The following COL16A1 variants were observed in gnomAD, a reference collection of about 807,000 sequenced individuals.
COL16A1 encodes collagen alpha-1(XVI) chain.
In COL16A1, 189 loss-of-function variants were observed where a neutral mutation model predicts 266.3. The ratio of observed to expected loss-of-function variants is 0.71; its 90% CI spans 0.63 to 0.80. The LOEUF is 0.80. Ranked by LOEUF, COL16A1 falls within the 30% of genes least tolerant of loss-of-function variation. The pLI is 0.00. For synonymous variants in COL16A1, 740 were observed against 782.3 expected (o/e 0.95, Z 0.90); for missense variants, 1,928 against 2,122.4 (o/e 0.91, Z 1.80).
Position 31,697,320 on chromosome 1 carries a change from C to T in COL16A1, c.658-20G>A. ...GTCAAACTGCAGGAGACACACACAT[C>T]AATTTCACTTCATTTTATCAAATAG... On this transcript the variant is annotated intron_variant, in intron 6 of 70. Coordinates refer to ENST00000373672, the MANE Select transcript of COL16A1 (RefSeq NM_001856.4). This position sits in a 1 kb window ranked among gnomAD's most constrained non-coding sequence, Gnocchi z 4.2. The T allele has an allele frequency of 6.3e-7, 1 of 1,590,180 alleles. No individual in the cohort carries two copies.
chr1:31,665,070 C>G, intron 56 of COL16A1, 102 bp downstream of exon 56: 1 of 1,520,952 alleles, frequency 6.6e-7, no homozygotes, highest in Admixed American at 2.3e-5. Flanking sequence ...GCAACTGGGT[C>G]AGTCTTGGAA....
At chr1:31,693,414 A>C (rs1038592453) in intron 12 of COL16A1, among the ~76,000 whole-genome samples, 1 of 151,920 alleles carries the variant, frequency 6.6e-6, no homozygotes, top group African/African-American at 2.4e-5. Flanking sequence ...GGGGTATCCC[A>C]TCCCCCACAC....
intron 55 of COL16A1, 47 bp from the exon 56 acceptor site, chr1:31,665,281 G>A (rs757299206): frequency 1.3e-6 from 2 of 1,574,704 alleles, no homozygotes; most frequent in Non-Finnish European, 1.7e-6. Flanking sequence ...GGCTGGAGGG[G>A]GAGCTCCCCT....
Position 31,656,593 on chromosome 1 carries a change from C to G in COL16A1, c.4057-149G>C, listed in dbSNP as rs529696505. 6.2e-6 allele frequency: 8 copies of G among 1,284,610 alleles called. No homozygotes were observed. The East Asian group carries it at 1.5e-4, about 25-fold the overall frequency. The allele number at this position is 1,284,610 out of a possible 1,614,324, so 79.6% of individuals were successfully genotyped here. A position where few individuals can be genotyped will look rare whatever the true frequency, so the allele number is the denominator to read the frequency against. On this transcript the variant is annotated intron_variant, in intron 65 of 70. Coordinates refer to ENST00000373672, the MANE Select transcript of COL16A1 (RefSeq NM_001856.4). This position sits in a 1 kb window ranked among gnomAD's most constrained non-coding sequence, Gnocchi z 4.2. ...TGTGTGAGAAAGGAGCGCAGCCTCC[C>G]TGCCCAGCTGGAAGGGAAAATAATG... is the stretch of plus-strand genomic sequence containing the variant.
In COL16A1 at chr1:31,675,107, G is replaced by A. The variant is rs1184751031; in HGVS notation, c.2827-68C>T. On this transcript the variant is annotated intron_variant, in intron 43 of 70. Coordinates refer to ENST00000373672, the MANE Select transcript of COL16A1 (RefSeq NM_001856.4). The stretch of plus-strand genomic sequence containing the variant: ...GAACATGGAGACTTATGGGATCAGG[G>A]AGAGCCTTGGGACACGTCATGCACC... 5.0e-6 allele frequency: 8 copies of A among 1,611,488 alleles called. No individual in the cohort carries two copies. In the South Asian group the frequency reaches 6.6e-5, roughly 13 times the overall value.
At position 31,672,625 on chromosome 1, in the gene COL16A1, G is replaced by T. The variant is rs1397903478; in HGVS notation, c.2989C>A (p.Leu997Met). 6.2e-7 allele frequency: 1 copy of T among 1,604,742 alleles called. No homozygotes were observed. The highest frequency in any genetic ancestry group is 8.5e-7 in the Non-Finnish European group (1 of 1,174,616). ...GCCTCCTCGGCTCTTGGGCGCTCCA[G>T]TGACAAAAAGCACTGCAAGGGACAA... The part of the protein sequence containing the change: ...LDNCAQCFLS[L>M]ERPRAEEARG... Residue 997 changes from leucine (L) to methionine (M), a missense_variant, in exon 46 of 71, where the codon CTG (leucine) becomes ATG (methionine). Physicochemically the swap from Leu to Met is conservative, Grantham distance 15. Around this residue, in one of 2 missense-constraint regions of COL16A1, gnomAD observed 1,552 missense variants for 1,637.2 expected, o/e 0.95. Coordinates refer to ENST00000373672, the MANE Select transcript of COL16A1 (RefSeq NM_001856.4).
At chr1:31,677,507 A>G (rs1643288328) in intron 42 of COL16A1, among the ~76,000 whole-genome samples, 1 of 152,246 alleles carries the variant, frequency 6.6e-6, no homozygotes, top group Non-Finnish European at 1.5e-5. Context: ...TCAGAACTAA[A>G]TGTTCTACCT....
Position 31,683,343 on chromosome 1 carries a change from A to G in COL16A1, c.2406T>C (p.Pro802=), listed in dbSNP as rs766117713. 6.2e-6 allele frequency: 10 copies of G among 1,614,044 alleles called. No individual in the cohort carries two copies. In the Admixed American group the frequency reaches 1.7e-4, roughly 27 times the overall value. ...ACTCAGGCAGACGTACCTGAATGCC[A>G]GGCAAACCCGGGGCTCCAGGCTCCC... is the stretch of plus-strand genomic sequence containing the variant. The part of the protein sequence containing the change: ...PQGEPGAPGL[P]GIQGLPGPRG... The change falls in exon 35 of 71, where the codon CCT becomes CCC. Residue 802 remains proline, a synonymous_variant. Coordinates refer to ENST00000373672, the MANE Select transcript of COL16A1 (RefSeq NM_001856.4).
chr1:31,672,598 G>C lies in COL16A1; in HGVS notation c.3016C>G (p.Arg1006Gly), dbSNP rs35986497. 6.2e-7 allele frequency: 1 copy of C among 1,606,714 alleles called. No homozygotes were observed. The highest frequency in any genetic ancestry group is 8.5e-7 in the Non-Finnish European group (1 of 1,175,338). Residue 1006 changes from arginine to glycine, a missense_variant and splice_region_variant, in exon 46 of 71, where the codon CGG (arginine) becomes GGG (glycine). By Grantham distance (125) the Arg-to-Gly change is moderately radical. This residue lies in a region of COL16A1 where 1,552 missense variants were observed against 1,637.2 expected (regional missense o/e 0.95). Transcript: ENST00000373672. ...GGGAGATAAGGCGAGGCACTCACCC[G>C]GGCCTCCTCGGCTCTTGGGCGCTCC... ...SLERPRAEEA[R>G]GDNSEGDPGC...
Position 31,689,774 on chromosome 1 carries a change from G to C in COL16A1, c.1587C>G (p.Pro529=), listed in dbSNP as rs760724181. ...GTACAGGATCACCAGGCTCCCCTTT[G>C]GGCCCTGGCTTTCCAGGAAGTCCAA... ...NFVGLPGKPG[P]KGEPGDPVPA... is the part of the protein sequence containing the mutation. The change falls in exon 23 of 71, where the codon CCC becomes CCG. Residue 529 remains proline (P), a synonymous_variant. Transcript: ENST00000373672. 1 of 1,613,976 alleles carries C rather than the reference G, an allele frequency of 6.2e-7. No individual in the cohort carries two copies. Among genetic ancestry groups the C allele is most frequent in the East Asian group, 2.2e-5 (1 of 44,902 alleles).
intron 34 of COL16A1, 128 bp from the exon 35 acceptor site, chr1:31,683,497 G>A (rs185271946): frequency 8.4e-5 from 134 of 1,588,186 alleles, no homozygotes; most frequent in Middle Eastern, 1.8e-4. Flanking sequence ...GCTCCCCAAG[G>A]AGACCCTGAG....
intron 37 of COL16A1, among the ~76,000 whole-genome samples, chr1:31,681,902 C>T (rs1643670328): frequency 6.6e-6 from 1 of 152,234 alleles, no homozygotes; most frequent in Admixed American, 6.5e-5. Flanking sequence ...GCTGTGTGGG[C>T]TTGGGCGAGT....
At chr1:31,672,286 G>T in intron 47 of COL16A1, 130 bp downstream of exon 47, 2 of 1,001,812 alleles carry the variant, frequency 2.0e-6, no homozygotes, top group Non-Finnish European at 3.0e-6. Context: ...GAAGCCACGT[G>T]CCAGGAGAGC....
Position 31,672,797 on chromosome 1 carries a change from C to G in COL16A1, c.2903G>C (p.Gly968Ala). ...DCVQGQRAHPGYLVEKGEKGD... is the reference protein window; with the variant it reads ...DCVQGQRAHPAYLVEKGEKGD... The stretch of plus-strand genomic sequence containing the variant: ...CTTCTCTCCCTTCTCCACGAGGTAC[C>G]CTGGGTGGGCCCTCTGCCCCTGGAC... The change falls in exon 45 of 71, where the codon GGG (glycine) becomes GCG (alanine). Residue 968 changes from glycine (G) to alanine (A), a missense_variant. By Grantham distance (60) the Gly-to-Ala change is moderately conservative. Around this residue, in one of 2 missense-constraint regions of COL16A1, gnomAD observed 1,552 missense variants for 1,637.2 expected, o/e 0.95. Coordinates refer to ENST00000373672, the MANE Select transcript of COL16A1 (RefSeq NM_001856.4). The G allele has an allele frequency of 6.2e-7, 1 of 1,614,136 alleles. No individual in the cohort carries two copies. Among genetic ancestry groups the G allele is most frequent in the Non-Finnish European group, 8.5e-7 (1 of 1,179,968 alleles).
chr1:31,680,210 T>C, intron 39 of COL16A1, 109 bp from the exon 40 acceptor site: 1 of 1,483,368 alleles, frequency 6.7e-7, no homozygotes, highest in Non-Finnish European at 9.1e-7. Context: ...AGGGTTTCAA[T>C]CCAGGATCTG....
chr1:31,698,952 A>G lies in COL16A1; in HGVS notation c.267-346T>C, dbSNP rs1011030476. Among the ~76,000 whole-genome samples the G allele has an allele frequency of 6.6e-6, 1 of 152,098 alleles. No homozygotes were observed. The highest frequency in any genetic ancestry group is 1.9e-4 in the East Asian group (1 of 5,180). On this transcript the variant is annotated intron_variant, in intron 4 of 70. Transcript: ENST00000373672. This position sits in a 1 kb window ranked among gnomAD's most constrained non-coding sequence, Gnocchi z 4.1. ...CTACTAAAAATACAAAAAATTCGCC[A>G]GGTGTAGTGGCAGGCGCCTGTAATC... is the stretch of plus-strand genomic sequence containing the variant.
rs1570519899 is a variant in COL16A1, at chr1:31,685,208, C to T, written c.2017-352G>A. On this transcript the variant is annotated intron_variant, in intron 29 of 70. Coordinates refer to ENST00000373672, the MANE Select transcript of COL16A1 (RefSeq NM_001856.4). The surrounding 1 kb of genome is among the most constrained non-coding windows in gnomAD (Gnocchi z 4.0). ...TAGTGTCCACTGTGGTAGTGCTGGCCGTTACTGTGAAAGCAGTAACAGTGA... is the reference window on the plus strand; with the variant it reads ...TAGTGTCCACTGTGGTAGTGCTGGCTGTTACTGTGAAAGCAGTAACAGTGA... Among the ~76,000 whole-genome samples, 1 of 148,546 alleles carries T rather than the reference C, an allele frequency of 6.7e-6. No homozygotes were observed. Among genetic ancestry groups the T allele is most frequent in the Non-Finnish European group, 1.5e-5 (1 of 68,016 alleles).
intron 60 of COL16A1, 73 bp from the exon 61 acceptor site, chr1:31,661,192 C>T (rs1442575990): frequency 9.8e-6 from 15 of 1,524,688 alleles, no homozygotes; most frequent in Non-Finnish European, 1.2e-5. Context: ...AACCTCACAT[C>T]AGAGGGACCC....
chr1:31,698,652 CA>C lies in COL16A1; in HGVS notation c.267-47del. The C allele has an allele frequency of 6.2e-7, 1 of 1,605,200 alleles. No homozygotes were observed. On this transcript the variant is annotated intron_variant, in intron 4 of 70. Transcript: ENST00000373672. This position sits in a 1 kb window ranked among gnomAD's most constrained non-coding sequence, Gnocchi z 4.1. Reference sequence around the variant, plus strand: ...GTGCCCTGAGGCTCCAATGAGGACCCAAATGCTGCCCACCCTGAGCCCTCAG... The same window carrying C: ...GTGCCCTGAGGCTCCAATGAGGACCCAATGCTGCCCACCCTGAGCCCTCAG...
Sources: gnomAD v4.1 joint callset for allele counts (sites outside exome capture counted in the v4.1 genomes callset) on GRCh38, gnomAD v4.1.1 for gene constraint, gnomAD v4.1.1 regional missense constraint, Gnocchi (gnomAD v3.1) non-coding constraint, MANE v1.5 for transcripts, NCBI Gene and HGNC (gene_info 2026-07-23, HGNC 2026-07-21) for gene names.